The following PARP8 variants were observed in gnomAD, a reference collection of about 807,000 sequenced individuals.
PARP8 encodes the protein protein mono-ADP-ribosyltransferase PARP8.
A neutral mutation model predicts 124.1 loss-of-function variants in PARP8; 51 were observed. The observed-to-expected ratio is 0.41, with a 90% CI of 0.33 to 0.52. The LOEUF (loss-of-function observed/expected upper bound fraction) is 0.52, where lower values mean the gene tolerates loss of function less well. Ranked by LOEUF, PARP8 falls within the 20% of genes least tolerant of loss-of-function variation. The pLI is 0.21. For missense variants in PARP8, 860 were observed against 1,018.9 expected, an observed-to-expected ratio of 0.84 and a Z score of 2.12; for synonymous variants, 391 against 361.5, an observed-to-expected ratio of 1.08 and a Z score of -0.93.
At chr5:50,709,221 T>G (rs1227301711) in intron 2 of PARP8, among the ~76,000 whole-genome samples, 1 of 152,140 alleles carries the variant, frequency 6.6e-6, no homozygotes, top group African/African-American at 2.4e-5. Context: ...CACCTCTTCA[T>G]CTCTTTATTC....
intron 15 of PARP8, among the ~76,000 whole-genome samples, chr5:50,816,653 T>C (rs1264536079): frequency 1.3e-5 from 2 of 152,248 alleles, no homozygotes; most frequent in Admixed American, 6.5e-5. Flanking sequence ...TTATATGATA[T>C]GAAAAAAATG....
chr5:50,709,015 G>C (rs144539820), intron 2 of PARP8, among the ~76,000 whole-genome samples: 209 of 152,006 alleles, frequency 1.4e-3, no homozygotes, highest in African/African-American at 4.8e-3. Context: ...TTGAACTCCT[G>C]GCCTCAAGCA....
intron 18 of PARP8, among the ~76,000 whole-genome samples, chr5:50,825,468 C>G (rs962880133): frequency 6.6e-6 from 1 of 152,134 alleles, no homozygotes; most frequent in African/African-American, 2.4e-5. Context: ...TGCACAGTTT[C>G]AGAGTGAGCC....
At chr5:50,793,798 A>G (rs1303134484) in intron 10 of PARP8, among the ~76,000 whole-genome samples, 1 of 152,104 alleles carries the variant, frequency 6.6e-6, no homozygotes, top group Non-Finnish European at 1.5e-5. Context: ...TATAATTAGT[A>G]ACAAAAATTT....
chr5:50,696,178 G>T (rs1308370644), intron 2 of PARP8, among the ~76,000 whole-genome samples: 1 of 152,100 alleles, frequency 6.6e-6, no homozygotes, highest in Non-Finnish European at 1.5e-5. Flanking sequence ...CTTTCTGTGG[G>T]TTAATCTGTC....
chr5:50,834,134 C>G (rs757869073), intron 24 of PARP8, 86 bp downstream of exon 24: 1 of 1,084,074 alleles, frequency 9.2e-7, no homozygotes. Context: ...AGAGTGCTTA[C>G]GGTGGAATAG....
At chr5:50,802,367 A>G (rs1191826997) in intron 14 of PARP8, among the ~76,000 whole-genome samples, 1 of 152,178 alleles carries the variant, frequency 6.6e-6, no homozygotes, top group Non-Finnish European at 1.5e-5. Flanking sequence ...AGACCGGAGT[A>G]CAGTGGTGCT....
chr5:50,739,519 A>T (rs537483293), intron 2 of PARP8, among the ~76,000 whole-genome samples: 1 of 152,042 alleles, frequency 6.6e-6, no homozygotes, highest in African/African-American at 2.4e-5. Flanking sequence ...AGTAGATATT[A>T]TTAATCCAAA....
chr5:50,828,195 A>G (rs1746554869), intron 20 of PARP8, 117 bp from the exon 21 acceptor site: 1 of 1,165,530 alleles, frequency 8.6e-7, no homozygotes, highest in African/African-American at 1.5e-5. Flanking sequence ...TCAACTACAT[A>G]ATACTTGATT....
At position 50,667,613 on chromosome 5, in the gene PARP8, C is replaced by CCGG. The variant is rs1438506759; in HGVS notation, c.91+430_91+432dup. 5.7e-6 allele frequency: 4 copies of CCGG among 698,964 alleles called. No individual in the cohort carries two copies. The Admixed American group carries it at 8.0e-5, about 14-fold the overall frequency. The allele number at this position is 698,964 out of a possible 1,614,324, so 43.3% of individuals were successfully genotyped here. On this transcript the variant is annotated intron_variant, in intron 1 of 25. Transcript: ENST00000281631. ...GCTGCGCTGCGCTTGTAAGCTGCGCCCGGCGCCGAGGACCCCCGGGGGGCA... is the reference window on the plus strand; with the variant it reads ...GCTGCGCTGCGCTTGTAAGCTGCGCCCGGCGGCGCCGAGGACCCCCGGGGGGCA...
At chr5:50,781,061 A>G (rs1399125050) in intron 9 of PARP8, among the ~76,000 whole-genome samples, 1 of 152,220 alleles carries the variant, frequency 6.6e-6, no homozygotes, top group South Asian at 2.1e-4. Context: ...TAATCCCAAT[A>G]TGCTGGTTGG....
At chr5:50,760,599 A>T (rs576867309) in intron 5 of PARP8, among the ~76,000 whole-genome samples, 1 of 152,048 alleles carries the variant, frequency 6.6e-6, no homozygotes, top group Non-Finnish European at 1.5e-5. Flanking sequence ...AATAAAATGT[A>T]TATAAAGCTT....
chr5:50,752,895 A>G (rs890053875), intron 3 of PARP8, among the ~76,000 whole-genome samples: 1 of 152,082 alleles, frequency 6.6e-6, no homozygotes, highest in African/African-American at 2.4e-5. Context: ...CCCTAGGAAC[A>G]GATTTGTCCT....
At chr5:50,794,561 T>A (rs998181914) in intron 11 of PARP8, among the ~76,000 whole-genome samples, 4 of 152,222 alleles carry the variant, frequency 2.6e-5, no homozygotes, top group African/African-American at 9.6e-5. Flanking sequence ...CATTCTTTGC[T>A]TTCTAATCAC....
At chr5:50,754,625 A>G (rs548221773) in intron 3 of PARP8, among the ~76,000 whole-genome samples, 111 of 152,288 alleles carry the variant, frequency 7.3e-4, no homozygotes, top group African/African-American at 2.6e-3. Flanking sequence ...GCTATTGTGA[A>G]TAGTGCTGCA....
intron 5 of PARP8, among the ~76,000 whole-genome samples, chr5:50,761,376 T>A (rs2149577523): frequency 6.6e-6 from 1 of 152,252 alleles, no homozygotes; most frequent in Admixed American, 6.5e-5. Flanking sequence ...TTTTCATAAT[T>A]TGATTATATA....
At chr5:50,814,896 A>G (rs770040232) in intron 14 of PARP8, among the ~76,000 whole-genome samples, 5 of 152,314 alleles carry the variant, frequency 3.3e-5, no homozygotes, top group Non-Finnish European at 7.4e-5. Flanking sequence ...TCATGAGGTT[A>G]TAGAAGTCAA....
intron 7 of PARP8, among the ~76,000 whole-genome samples, chr5:50,773,832 A>ATTTTTTTTTTTTTTTTTTTTT (rs35571636): frequency 7.3e-6 from 1 of 136,072 alleles, no homozygotes; most frequent in Non-Finnish European, 1.6e-5. Flanking sequence ...TATTTCATTA[A>ATTTTTTTTTTTTTTTTTTTTT]TTTTTTTTTT....
chr5:50,690,233 A>G (rs1752350153), intron 2 of PARP8, among the ~76,000 whole-genome samples: 1 of 152,192 alleles, frequency 6.6e-6, no homozygotes, highest in Non-Finnish European at 1.5e-5. Context: ...TCAGTGAATT[A>G]TGTATGATAG....
Sources: allele counts gnomAD v4.1 joint callset (sites outside exome capture counted in the v4.1 genomes callset), GRCh38; gene constraint gnomAD v4.1.1; transcripts MANE v1.5; gene names NCBI Gene and HGNC (gene_info 2026-07-23, HGNC 2026-07-21).